BTD: variants seen among roughly 807,000 people sequenced by gnomAD.
The protein encoded by BTD is biotinidase.
BTD carries 13 observed loss-of-function variants against 17.7 expected under a neutral mutation model. The observed-to-expected ratio is 0.74, with a 90% confidence interval of 0.48 to 1.17. The LOEUF is 1.17. Among genes scored for constraint, BTD ranks in the 50% most tolerant of loss-of-function variants. The pLI is 0.00. For synonymous variants in BTD, 240 were observed against 245.2 expected (o/e 0.98, Z 0.20); for missense variants, 674 against 650.4 (o/e 1.04, Z -0.39).
intron 1 of BTD, among the ~76,000 whole-genome samples, chr3:15,627,966 C>T (rs939066143): frequency 3.3e-5 from 5 of 152,214 alleles, no homozygotes; most frequent in Non-Finnish European, 5.9e-5. Flanking sequence ...AGGTGATCTA[C>T]CCACCTTGGC....
At chr3:15,666,311 T>C (rs994905941) in intron 3 of BTD, among the ~76,000 whole-genome samples, 1 of 152,136 alleles carries the variant, frequency 6.6e-6, no homozygotes, top group African/African-American at 2.4e-5. Context: ...CATTAGGGGG[T>C]TAAGAGCACC....
At chr3:15,707,862 C>A in intron 3 of BTD, 1 of 1,550,002 alleles carries the variant, frequency 6.5e-7, no homozygotes. Flanking sequence ...CAAAAACATC[C>A]ATATGGAAGA....
At position 15,692,194 on chromosome 3, in the gene BTD, A is replaced by G. The variant is rs78574426; in HGVS notation, c.400-17866A>G. Among the ~76,000 whole-genome samples the G allele has an allele frequency of 8.0e-3, 1,205 of 151,426 alleles. 9 individuals are homozygous for G. Among genetic ancestry groups the G allele is most frequent in the Non-Finnish European group, 0.013 (868 of 67,874 alleles). ...AGGTTGGGCATGGTCACTCACACCT[A>G]TATCTCAGCACTTTGGCAGGCCAAC... On this transcript the variant is annotated intron_variant, in intron 3 of 3. Transcript: ENST00000672141.
At chr3:15,658,853 T>C (rs1404271425) in intron 3 of BTD, among the ~76,000 whole-genome samples, 1 of 152,142 alleles carries the variant, frequency 6.6e-6, no homozygotes, top group Non-Finnish European at 1.5e-5. Flanking sequence ...AACCCTGGAG[T>C]CTTCCCATTC....
At chr3:15,616,382 G>C (rs571231722) in intron 1 of BTD, among the ~76,000 whole-genome samples, 2 of 152,088 alleles carry the variant, frequency 1.3e-5, no homozygotes, top group Non-Finnish European at 2.9e-5. Flanking sequence ...TTGGGAGGCC[G>C]AGGTGGGTGG....
At chr3:15,694,530 T>TTC (rs2069257419) in intron 3 of BTD, among the ~76,000 whole-genome samples, 1 of 152,104 alleles carries the variant, frequency 6.6e-6, no homozygotes, top group East Asian at 1.9e-4. Flanking sequence ...TTTTTTTTTT[T>TTC]TCTAAAGCAA....
intron 2 of BTD, among the ~76,000 whole-genome samples, chr3:15,636,922 CAT>C (rs1288105470): frequency 1.3e-5 from 2 of 151,966 alleles, no homozygotes; most frequent in Non-Finnish European, 2.9e-5. Flanking sequence ...CCCAACCTGA[CAT>C]ACGGTTTCTC....
chr3:15,645,545 T>A lies in BTD; in HGVS notation c.*57T>A, dbSNP rs886058118. 2.5e-5 allele frequency: 39 copies of A among 1,579,926 alleles called. 4 individuals are homozygous for A. The highest frequency in any genetic ancestry group is 1.9e-4 in the Middle Eastern group (1 of 5,166). On this transcript the variant is annotated 3_prime_UTR_variant, in exon 4 of 4. Coordinates refer to ENST00000643237, the MANE Select transcript of BTD (RefSeq NM_001370658.1). ...GCCATCATGTTGACAGCCTTGCACTTCCACAGGCTACAAGCCCTGGGACCA... is the reference window on the plus strand; with the variant it reads ...GCCATCATGTTGACAGCCTTGCACTACCACAGGCTACAAGCCCTGGGACCA...
intron 3 of BTD, among the ~76,000 whole-genome samples, chr3:15,699,542 G>GA (rs2070226947): frequency 6.6e-6 from 1 of 151,216 alleles, no homozygotes; most frequent in Non-Finnish European, 1.5e-5. Flanking sequence ...AAATTCACAA[G>GA]AAAAAAACAA....
At position 15,642,040 on chromosome 3, in the gene BTD, C is replaced by T. The variant is rs137877018; in HGVS notation, c.382C>T (p.Arg128Cys). Residue 128 changes from arginine (R) to cysteine (C), a missense_variant, in exon 3 of 4, where the codon CGC becomes TGC. Arg to Cys is a radical substitution (Grantham distance 180). Coordinates refer to ENST00000643237, the MANE Select transcript of BTD (RefSeq NM_001370658.1). ...GTGGAACCCATGCCTGGAGCCTCAC[C>T]GCTTCAATGACACAGAGGTGATTCC... is the stretch of plus-strand genomic sequence containing the variant. The part of the protein sequence containing the change: ...VRWNPCLEPH[R>C]FNDTEVLQRL... 7.6e-5 allele frequency: 122 copies of T among 1,614,008 alleles called. 2 individuals are homozygous for T. The highest frequency in any genetic ancestry group is 1.1e-4 in the African/African-American group (8 of 74,924).
In BTD at chr3:15,649,540, C is replaced by A. The variant is rs923668304; in HGVS notation, c.*4052C>A. On this transcript the variant is annotated 3_prime_UTR_variant, in exon 4 of 4. Transcript: ENST00000643237. ...TGTTCCTCAGGCCAAAGTTCACATT[C>A]TGCACAGCCTCAGCTCCGCCTGACC... 6.6e-6 allele frequency among the ~76,000 whole-genome samples: 1 copy of A among 152,238 alleles called. No homozygotes were observed. Among genetic ancestry groups the A allele is most frequent in the Non-Finnish European group, 1.5e-5 (1 of 68,042 alleles).
chr3:15,713,372 T>C (rs2072581334), downstream of BTD, among the ~76,000 whole-genome samples: 1 of 152,210 alleles, frequency 6.6e-6, no homozygotes, highest in Admixed American at 6.5e-5. Context: ...TTAAACATTT[T>C]AACCTACCAC....
chr3:15,711,187 G>T (rs1384422122), exon 4 of BTD: 2 of 1,585,310 alleles, frequency 1.3e-6, no homozygotes, highest in Admixed American at 1.8e-5. Flanking sequence ...TTTTCTTAAA[G>T]AAATAAAAAT....
At chr3:15,716,135 AC>A (rs541979309), downstream of BTD, among the ~76,000 whole-genome samples, 61 of 151,866 alleles carry the variant, frequency 4.0e-4, 1 homozygote, top group Middle Eastern at 0.01. Flanking sequence ...GGCATGCACC[AC>A]CATGCCCAGC....
At chr3:15,711,318 T>C in exon 4 of BTD, 1 of 1,496,616 alleles carries the variant, frequency 6.7e-7, no homozygotes, top group Middle Eastern at 1.8e-4. Flanking sequence ...CATATTATTT[T>C]ACACTAAAGA....
In BTD at chr3:15,601,778, G is replaced by A. The variant is rs2064250553; in HGVS notation, c.-133G>A. The A allele has an allele frequency of 1.9e-6, 3 of 1,611,970 alleles. No homozygotes were observed. The highest frequency in any genetic ancestry group is 2.5e-6 in the Non-Finnish European group (3 of 1,179,044). ...GCTGCCTATGCAAAGCAGGTAAGAA[G>A]CCGAACTCTGAGGCCTCTCGCCATT... On this transcript the variant is annotated 5_prime_UTR_variant, in exon 1 of 4. Coordinates refer to ENST00000643237, the MANE Select transcript of BTD (RefSeq NM_001370658.1).
At chr3:15,660,189 C>G (rs987101273) in intron 3 of BTD, among the ~76,000 whole-genome samples, 1 of 152,194 alleles carries the variant, frequency 6.6e-6, no homozygotes, top group Non-Finnish European at 1.5e-5. Context: ...CCCAGGGTCA[C>G]CCAGCTAGGA....
At chr3:15,689,893 T>C in intron 3 of BTD, 2 of 802,322 alleles carry the variant, frequency 2.5e-6, no homozygotes, top group South Asian at 2.0e-5. Flanking sequence ...AAATAATCCA[T>C]ATATGATTTG....
intron 4 of BTD, among the ~76,000 whole-genome samples, chr3:15,720,375 G>C (rs1325430610): frequency 6.6e-6 from 1 of 151,940 alleles, no homozygotes; most frequent in East Asian, 1.9e-4. Flanking sequence ...TTTTATTGTA[G>C]ATTCATCTAT....
Sources: allele counts gnomAD v4.1 joint callset (sites outside exome capture counted in the v4.1 genomes callset), GRCh38; gene constraint gnomAD v4.1.1; transcripts MANE v1.5; gene names NCBI Gene and HGNC (gene_info 2026-07-23, HGNC 2026-07-21).